The following NTF3 variants were observed in gnomAD, a reference collection of about 807,000 sequenced individuals.
NTF3 encodes the protein neurotrophin-3.
Under a neutral mutation model 26.3 loss-of-function variants are expected in NTF3, and 8 were observed. The observed-to-expected ratio is 0.30, with a 90% confidence interval of 0.18 to 0.55. NTF3 has a LOEUF of 0.55. NTF3 is among the 20% of genes least tolerant of loss of function. The pLI, the probability that NTF3 is intolerant of heterozygous loss-of-function variation, is 0.93. For missense variants in NTF3, 276 were observed against 352.9 expected, an observed-to-expected ratio of 0.78 and a Z score of 1.75; for synonymous variants, 154 against 145.5, an observed-to-expected ratio of 1.06 and a Z score of -0.42.
At chr12:5,443,421 GGA>G (rs1475299647) in intron 1 of NTF3, among the ~76,000 whole-genome samples, 1 of 152,170 alleles carries the variant, frequency 6.6e-6, no homozygotes, top group African/African-American at 2.4e-5. Flanking sequence ...ACATGCAGCA[GGA>G]GAGAGAGAAT....
chr12:5,450,580 T>A (rs189466365), intron 1 of NTF3, among the ~76,000 whole-genome samples: 1 of 152,328 alleles, frequency 6.6e-6, no homozygotes, highest in Admixed American at 6.5e-5. Flanking sequence ...CAAGAATAGA[T>A]TTGGCCTTCT....
chr12:5,482,320 C>T (rs1300217222), intron 1 of NTF3, among the ~76,000 whole-genome samples: 3 of 152,172 alleles, frequency 2.0e-5, no homozygotes, highest in South Asian at 4.1e-4. Flanking sequence ...AGTGTGATCA[C>T]GGCCTGTTCT....
chr12:5,477,239 G>A (rs1220587213), intron 1 of NTF3, among the ~76,000 whole-genome samples: 1 of 152,154 alleles, frequency 6.6e-6, no homozygotes, highest in Non-Finnish European at 1.5e-5. Flanking sequence ...TCCCAGCTCC[G>A]CTAAGCTGAG....
intron 1 of NTF3, among the ~76,000 whole-genome samples, chr12:5,443,728 A>C (rs930905668): frequency 1.3e-5 from 2 of 152,048 alleles, no homozygotes; most frequent in African/African-American, 4.8e-5. Context: ...TGAGGAAAAG[A>C]TTGTTTTCTA....
intron 1 of NTF3, among the ~76,000 whole-genome samples, chr12:5,441,170 C>T (rs952529183): frequency 1.3e-5 from 2 of 152,194 alleles, no homozygotes; most frequent in African/African-American, 4.8e-5. Context: ...TTTGGGAAGT[C>T]CTCGAACCAC....
intron 1 of NTF3, among the ~76,000 whole-genome samples, chr12:5,461,095 T>C (rs934505023): frequency 1.3e-5 from 2 of 152,184 alleles, no homozygotes; most frequent in Admixed American, 6.5e-5. Context: ...GGGAGAACTA[T>C]ACTTATGTAT....
intron 1 of NTF3, among the ~76,000 whole-genome samples, chr12:5,466,703 A>T (rs1201764349): frequency 6.6e-6 from 1 of 152,218 alleles, no homozygotes; most frequent in Admixed American, 6.5e-5. Flanking sequence ...TTCTTTCCTG[A>T]GTAGAATTTC....
At chr12:5,463,141 C>G (rs1565390289) in intron 1 of NTF3, among the ~76,000 whole-genome samples, 1 of 152,176 alleles carries the variant, frequency 6.6e-6, no homozygotes, top group Non-Finnish European at 1.5e-5. Context: ...ACCCTGCCTC[C>G]AGACTAGTAA....
chr12:5,478,761 G>A (rs1014740637), intron 1 of NTF3, among the ~76,000 whole-genome samples: 5 of 152,354 alleles, frequency 3.3e-5, no homozygotes, highest in African/African-American at 7.2e-5. Context: ...TTTGCACATT[G>A]GTCCAGGGGC....
chr12:5,474,183 G>C (rs1940696491), intron 1 of NTF3, among the ~76,000 whole-genome samples: 1 of 152,176 alleles, frequency 6.6e-6, no homozygotes, highest in African/African-American at 2.4e-5. Context: ...TTTATTTCTA[G>C]GAATCTTTTA....
At chr12:5,430,729 C>T (rs1424772523), upstream of NTF3, among the ~76,000 whole-genome samples, 2 of 151,894 alleles carry the variant, frequency 1.3e-5, no homozygotes, top group African/African-American at 2.4e-5. Flanking sequence ...TGGGCCCTAA[C>T]CGAAACGCGG....
chr12:5,469,662 C>T (rs1180279155), intron 1 of NTF3, among the ~76,000 whole-genome samples: 1 of 152,190 alleles, frequency 6.6e-6, no homozygotes, highest in African/African-American at 2.4e-5. Context: ...CTGACCAAAC[C>T]TTCCTCAAAG....
chr12:5,463,380 T>C lies in NTF3; in HGVS notation c.19-30814T>C, dbSNP rs112911927. On this transcript the variant is annotated intron_variant, in intron 1 of 1. Transcript: ENST00000423158. Reference sequence around the variant, plus strand: ...CATGAGAGGTAAACAAATACACAAATGACAAGGTAAAATAGAAGAGCTACA... The same window carrying C: ...CATGAGAGGTAAACAAATACACAAACGACAAGGTAAAATAGAAGAGCTACA... 2.8e-3 allele frequency among the ~76,000 whole-genome samples: 419 copies of C among 152,070 alleles called. 1 individual carries two copies. Among genetic ancestry groups the C allele is most frequent in the Middle Eastern group, 0.01 (3 of 294 alleles).
chr12:5,442,773 G>A (rs972451501), intron 1 of NTF3, among the ~76,000 whole-genome samples: 6 of 152,146 alleles, frequency 3.9e-5, no homozygotes, highest in African/African-American at 9.7e-5. Flanking sequence ...GATGGTTTCC[G>A]TATCTGTTTA....
chr12:5,462,964 A>T (rs1210114323), intron 1 of NTF3, among the ~76,000 whole-genome samples: 1 of 152,122 alleles, frequency 6.6e-6, no homozygotes, highest in Non-Finnish European at 1.5e-5. Context: ...AATGTTTCTC[A>T]CTGATGGAGA....
At chr12:5,441,535 T>C (rs893129465) in intron 1 of NTF3, among the ~76,000 whole-genome samples, 1 of 152,210 alleles carries the variant, frequency 6.6e-6, no homozygotes, top group African/African-American at 2.4e-5. Context: ...AGCCTAAGGC[T>C]CCCTTCCCAG....
At chr12:5,436,210 A>G (rs917492976) in intron 1 of NTF3, among the ~76,000 whole-genome samples, 13 of 152,266 alleles carry the variant, frequency 8.5e-5, no homozygotes, top group African/African-American at 2.9e-4. Flanking sequence ...GGTTCTGACC[A>G]CCGTTGGGCA....
intron 1 of NTF3, among the ~76,000 whole-genome samples, chr12:5,435,683 T>C (rs1940158517): frequency 6.6e-6 from 1 of 152,188 alleles, no homozygotes; most frequent in South Asian, 2.1e-4. Context: ...GCCTCCTTCA[T>C]AGCTGGAATG....
At chr12:5,467,566 C>T (rs906597207) in intron 1 of NTF3, among the ~76,000 whole-genome samples, 3 of 152,152 alleles carry the variant, frequency 2.0e-5, no homozygotes, top group African/African-American at 7.2e-5. Flanking sequence ...GTTACAAAAG[C>T]AGCAGAAATT....
Sources: gnomAD v4.1 joint callset for allele counts (sites outside exome capture counted in the v4.1 genomes callset) on GRCh38, gnomAD v4.1.1 for gene constraint, MANE v1.5 for transcripts, NCBI Gene and HGNC (gene_info 2026-07-23, HGNC 2026-07-21) for gene names.